Variants in AGBL2 observed in about 807,000 individuals in gnomAD.
AGBL2 encodes AGBL carboxypeptidase 2.
In AGBL2, 87 loss-of-function variants were observed where a neutral mutation model predicts 103.0. That is an observed-to-expected ratio of 0.84 (90% confidence interval 0.71 to 1.01). AGBL2 has a LOEUF of 1.01. AGBL2 is among the 50% of genes least tolerant of loss of function. The pLI, the probability that AGBL2 is intolerant of heterozygous loss-of-function variation, is 0.00. For missense variants in AGBL2, 904 were observed against 1,023.5 expected, an observed-to-expected ratio of 0.88 and a Z score of 1.59; for synonymous variants, 335 against 356.7, an observed-to-expected ratio of 0.94 and a Z score of 0.69.
chr11:47,685,853 T>A, intron 11 of AGBL2, 40 bp downstream of exon 11: 2 of 1,583,888 alleles, frequency 1.3e-6, no homozygotes, highest in Non-Finnish European at 1.7e-6. Context: ...AGTTCCCATG[T>A]CCCTAACTCA....
chr11:47,710,641 A>AT, intron 3 of AGBL2, 130 bp from the exon 4 acceptor site: 1 of 1,085,792 alleles, frequency 9.2e-7, no homozygotes, highest in Non-Finnish European at 1.4e-6. Context: ...AATACACTGC[A>AT]TTTTTCAAAG....
chr11:47,693,796 C>T (rs2097456848), intron 8 of AGBL2, among the ~76,000 whole-genome samples: 1 of 152,098 alleles, frequency 6.6e-6, no homozygotes, highest in Non-Finnish European at 1.5e-5. Flanking sequence ...TCAGTCTTTC[C>T]CCACTGAATA....
At chr11:47,701,063 A>C (rs575316811) in intron 7 of AGBL2, among the ~76,000 whole-genome samples, 59 of 152,006 alleles carry the variant, frequency 3.9e-4, no homozygotes, top group South Asian at 8.3e-4. Context: ...CTCAAAAAAA[A>C]AAACAAACAA....
chr11:47,694,885 A>G (rs1488205026), intron 8 of AGBL2, among the ~76,000 whole-genome samples: 1 of 152,238 alleles, frequency 6.6e-6, no homozygotes, highest in Non-Finnish European at 1.5e-5. Context: ...GTGGTGGCTC[A>G]TGCCTGTAAT....
In AGBL2 at chr11:47,660,089, CCAGT is replaced by C; in HGVS notation, c.*80_*83del. Reference sequence around the variant, plus strand: ...AGTATACCACAAGTAAATGCAGTTCCCAGTCATACATCTCCCCCATTATAAAATG... The same window carrying C: ...AGTATACCACAAGTAAATGCAGTTCCCATACATCTCCCCCATTATAAAATG... On this transcript the variant is annotated 3_prime_UTR_variant, in exon 19 of 19. Coordinates refer to ENST00000525123, the MANE Select transcript of AGBL2 (RefSeq NM_024783.4). 7.0e-7 allele frequency: 1 copy of C among 1,432,260 alleles called. No homozygotes were observed. The highest frequency in any genetic ancestry group is 2.1e-5 in the Admixed American group (1 of 48,040). The allele number at this position is 1,432,260 out of a possible 1,614,324, so 88.7% of individuals were successfully genotyped here.
chr11:47,665,337 G>A (rs902656576), intron 17 of AGBL2, among the ~76,000 whole-genome samples: 7 of 151,836 alleles, frequency 4.6e-5, no homozygotes, highest in African/African-American at 9.7e-5. Flanking sequence ...ATGAGCCACC[G>A]TGCCCAGCCA....
intron 7 of AGBL2, among the ~76,000 whole-genome samples, chr11:47,702,334 T>A (rs948787401): frequency 6.6e-6 from 1 of 152,188 alleles, no homozygotes; most frequent in Non-Finnish European, 1.5e-5. Context: ...AACTCATCCT[T>A]TAGATCTCAG....
At chr11:47,688,720 C>T (rs2097433691) in intron 10 of AGBL2, among the ~76,000 whole-genome samples, 2 of 152,106 alleles carry the variant, frequency 1.3e-5, no homozygotes, top group African/African-American at 2.4e-5. Flanking sequence ...ACAGAACCAG[C>T]CAGCAGTAAA....
At chr11:47,714,510 G>T (rs2097544540) in intron 2 of AGBL2, 108 bp downstream of exon 2, 1 of 1,382,598 alleles carries the variant, frequency 7.2e-7, no homozygotes, top group Non-Finnish European at 1.0e-6. Flanking sequence ...GCTGAGAAAA[G>T]ATGCCACCAG....
At chr11:47,664,876 C>CT (rs1254676250) in intron 17 of AGBL2, among the ~76,000 whole-genome samples, 205 of 134,544 alleles carry the variant, frequency 1.5e-3, no homozygotes, top group African/African-American at 3.1e-3. Context: ...CACCTCCCAC[C>CT]TTTTTTTTTT....
At chr11:47,672,815 G>T (rs1294540602) in intron 14 of AGBL2, among the ~76,000 whole-genome samples, 1 of 152,174 alleles carries the variant, frequency 6.6e-6, no homozygotes, top group African/African-American at 2.4e-5. Context: ...ATGTGCCATA[G>T]AGTGGGTGGA....
rs1204126255 is a variant in AGBL2, at chr11:47,677,264, T to G, written c.2147+7A>C. ...AAAAAAACAAAACTCTGTTTTTTCTTTGTTACCTGGATTCAATGTCAGACA... is the reference window on the plus strand; with the variant it reads ...AAAAAAACAAAACTCTGTTTTTTCTGTGTTACCTGGATTCAATGTCAGACA... On this transcript the variant is annotated splice_region_variant and intron_variant, in intron 14 of 18. Transcript: ENST00000525123. 10 of 1,587,414 alleles carry G rather than the reference T, an allele frequency of 6.3e-6. No individual in the cohort carries two copies. The highest frequency in any genetic ancestry group is 8.5e-6 in the Non-Finnish European group (10 of 1,170,948).
intron 8 of AGBL2, among the ~76,000 whole-genome samples, chr11:47,693,451 T>C (rs1001271097): frequency 1.3e-5 from 2 of 152,176 alleles, no homozygotes; most frequent in African/African-American, 4.8e-5. Flanking sequence ...GGCTATACAG[T>C]TATCCCAACA....
In AGBL2 at chr11:47,690,677, A is replaced by G. The variant is rs373002225; in HGVS notation, c.1030T>C (p.Leu344=). The G allele has an allele frequency of 2.3e-5, 37 of 1,613,974 alleles. No homozygotes were observed. The highest frequency in any genetic ancestry group is 2.8e-5 in the Non-Finnish European group (33 of 1,180,040). Residue 344 remains leucine (L), a synonymous_variant, in exon 10 of 19, where the codon TTG becomes CTG. Coordinates refer to ENST00000525123, the MANE Select transcript of AGBL2 (RefSeq NM_024783.4). ...VGMKPLLYSQ[L]DANTRNIGWR... ...CCAATATTGCGGGTGTTGGCATCCA[A>G]TTGGGAGTACAAGAGTGGCTTCATC...
intron 14 of AGBL2, among the ~76,000 whole-genome samples, chr11:47,675,381 T>TG (rs1247982173): frequency 1.6e-5 from 2 of 124,822 alleles, no homozygotes; most frequent in Admixed American, 1.7e-4. Flanking sequence ...CTAAGTTTTT[T>TG]TTTTTTTTTT....
intron 8 of AGBL2, among the ~76,000 whole-genome samples, chr11:47,697,912 G>A (rs2097482470): frequency 6.6e-6 from 1 of 150,900 alleles, no homozygotes; most frequent in Non-Finnish European, 1.5e-5. Context: ...CGAGGCTGGA[G>A]TGCAGTGGCG....
intron 17 of AGBL2, 59 bp downstream of exon 17, chr11:47,666,897 G>A: frequency 9.4e-7 from 1 of 1,064,458 alleles, no homozygotes; most frequent in South Asian, 1.3e-5. Flanking sequence ...TGGGAGAGAG[G>A]TGCTAATTCG....
intron 10 of AGBL2, among the ~76,000 whole-genome samples, chr11:47,687,552 T>G (rs1448316606): frequency 4.6e-5 from 7 of 150,706 alleles, no homozygotes; most frequent in African/African-American, 1.7e-4. Context: ...GAACTCCGTC[T>G]CAAAAAAAAA....
At chr11:47,714,557 G>A in intron 2 of AGBL2, 61 bp downstream of exon 2, 2 of 1,561,104 alleles carry the variant, frequency 1.3e-6, no homozygotes, top group South Asian at 2.2e-5. Flanking sequence ...TTTCTGTGGA[G>A]TTCCCGAAGA....
Sources: allele counts gnomAD v4.1 joint callset (sites outside exome capture counted in the v4.1 genomes callset), GRCh38; gene constraint gnomAD v4.1.1; transcripts MANE v1.5; gene names NCBI Gene and HGNC (gene_info 2026-07-23, HGNC 2026-07-21).